DEF8: variants seen among roughly 807,000 people sequenced by gnomAD.
DEF8 encodes the protein differentially expressed in FDCP 8 homolog.
In DEF8, 38 loss-of-function variants were observed where a neutral mutation model predicts 59.1. The observed-to-expected ratio is 0.64, with a 90% CI of 0.50 to 0.84. DEF8 has a LOEUF of 0.84. DEF8 is among the 40% of genes least tolerant of loss of function. DEF8 has a pLI of 0.00. For missense variants in DEF8, 557 were observed against 615.2 expected (o/e 0.91, Z 1.00); for synonymous variants, 265 against 250.1 (o/e 1.06, Z -0.56).
intron 2 of DEF8, among the ~76,000 whole-genome samples, chr16:89,950,640 C>T (rs896647908): frequency 6.6e-6 from 1 of 152,158 alleles, no homozygotes; most frequent in Non-Finnish European, 1.5e-5. Flanking sequence ...CCACCCGCCT[C>T]AGCCTCCCAA....
Position 89,949,361 on chromosome 16 carries a change from C to G in DEF8, c.-107-56C>G, listed in dbSNP as rs549082682. 7.2e-5 allele frequency: 103 copies of G among 1,431,706 alleles called. No individual in the cohort carries two copies. In the South Asian group the frequency reaches 1.2e-3, roughly 17 times the overall value. 88.7% of individuals were successfully genotyped at this position (1,431,706 alleles called of 1,614,324 possible). Reference sequence around the variant, plus strand: ...CGAGGAGCCCGGGAGACCGGGCGAGCTCCCGCGGGTGTGGTGGGTGGGGAG... The same window carrying G: ...CGAGGAGCCCGGGAGACCGGGCGAGGTCCCGCGGGTGTGGTGGGTGGGGAG... On this transcript the variant is annotated intron_variant, in intron 1 of 12. Coordinates refer to ENST00000563594, the MANE Select transcript of DEF8 (RefSeq NM_001242818.2).
At chr16:89,959,221 C>G (rs1350223977) in intron 6 of DEF8, 66 bp downstream of exon 6, 3 of 1,606,906 alleles carry the variant, frequency 1.9e-6, no homozygotes, top group South Asian at 2.2e-5. Context: ...CCGCTGGGCT[C>G]ACATTCAGAT....
At position 89,960,753 on chromosome 16, in the gene DEF8, C is replaced by T. The variant is rs982996119; in HGVS notation, c.515-178C>T. The stretch of plus-strand genomic sequence containing the variant: ...TCTGGGCCACCTTTGGGGCAAGGCT[C>T]AGGGGCCAGGGAGAAAAGGATCTTT... On this transcript the variant is annotated intron_variant, in intron 6 of 12. Coordinates refer to ENST00000563594, the MANE Select transcript of DEF8 (RefSeq NM_001242818.2). Among the ~76,000 whole-genome samples, 13 of 152,234 alleles carry T rather than the reference C, an allele frequency of 8.5e-5. No homozygotes were observed. In the Middle Eastern group the frequency reaches 0.014, roughly 159 times the overall value.
chr16:89,957,926 T>G, intron 5 of DEF8: 2 of 298,330 alleles, frequency 6.7e-6, no homozygotes, highest in Non-Finnish European at 1.2e-5. Context: ...AAAAATGTAT[T>G]TGCTTGGTGA....
chr16:89,962,178 C>G (rs1014744033), intron 9 of DEF8, 53 bp downstream of exon 9: 1 of 1,514,882 alleles, frequency 6.6e-7, no homozygotes, highest in African/African-American at 1.4e-5. Context: ...CAGGTGGGCC[C>G]TAGGGCCGGG....
rs1439972497 is a variant in DEF8, at chr16:89,960,927, C to G, written c.515-4C>G. 2 of 1,612,856 alleles carry G rather than the reference C, an allele frequency of 1.2e-6. No homozygotes were observed. Among genetic ancestry groups the G allele is most frequent in the African/African-American group, 1.3e-5 (1 of 74,910 alleles). On this transcript the variant is annotated splice_polypyrimidine_tract_variant and splice_region_variant and intron_variant, in intron 6 of 12. Transcript: ENST00000563594. Reference sequence around the variant, plus strand: ...TTTGAGAAGTGTGTGTCCCTCCACCCTAGGGTGTTATTACCGCTGTCACAG... The same window carrying G: ...TTTGAGAAGTGTGTGTCCCTCCACCGTAGGGTGTTATTACCGCTGTCACAG...
At chr16:89,953,475 G>A (rs1432953717) in intron 2 of DEF8, among the ~76,000 whole-genome samples, 1 of 152,248 alleles carries the variant, frequency 6.6e-6, no homozygotes, top group African/African-American at 2.4e-5. Context: ...GCCACGTGGA[G>A]AACTAGGCCC....
At chr16:89,962,590 A>G (rs2034175276) in intron 9 of DEF8, among the ~76,000 whole-genome samples, 1 of 152,140 alleles carries the variant, frequency 6.6e-6, no homozygotes, top group South Asian at 2.1e-4. Context: ...CGGGAGGCTG[A>G]GGTTGCTGTG....
chr16:89,956,326 G>C (rs2033188804), intron 4 of DEF8, among the ~76,000 whole-genome samples: 1 of 151,780 alleles, frequency 6.6e-6, no homozygotes, highest in Admixed American at 6.6e-5. Flanking sequence ...CGGGCATAGT[G>C]GAGCGCCCCT....
Position 89,961,866 on chromosome 16 carries a change from T to C in DEF8, c.807+2T>C, listed in dbSNP as rs921038857. 1 of 1,582,378 alleles carries C rather than the reference T, an allele frequency of 6.3e-7. No individual in the cohort carries two copies. The highest frequency in any genetic ancestry group is 8.6e-7 in the Non-Finnish European group (1 of 1,162,578). On this transcript the variant is annotated splice_donor_variant, in intron 8 of 12. Transcript: ENST00000563594. LOFTEE classifies it high-confidence loss of function. ...AACTGGGACTTTGAGCCTCGAAAGG[T>C]GGGGGTTGGAAGGTGGGGGCATCCC...
chr16:89,962,877 G>C (rs903312351), intron 9 of DEF8, among the ~76,000 whole-genome samples: 1 of 152,260 alleles, frequency 6.6e-6, no homozygotes, highest in Non-Finnish European at 1.5e-5. Flanking sequence ...TGCAGGGCTG[G>C]TGGCCACTCT....
intron 10 of DEF8, 31 bp from the exon 11 acceptor site, chr16:89,964,139 G>C: frequency 1.2e-6 from 2 of 1,613,960 alleles, no homozygotes; most frequent in Non-Finnish European, 1.7e-6. Flanking sequence ...CCTCCCCGGT[G>C]CAGGGCGTCA....
At chr16:89,959,313 C>T in intron 6 of DEF8, 158 bp downstream of exon 6, 1 of 1,486,262 alleles carries the variant, frequency 6.7e-7, no homozygotes, top group South Asian at 1.3e-5. Context: ...CCTCGTTGTA[C>T]TGTCTACATT....
At chr16:89,955,538 C>T (rs560079527) in intron 4 of DEF8, among the ~76,000 whole-genome samples, 2 of 152,318 alleles carry the variant, frequency 1.3e-5, no homozygotes, top group East Asian at 1.9e-4. Flanking sequence ...GAACCTGGGG[C>T]TGCTTCTGTC....
chr16:89,962,823 T>C (rs2034207040), intron 9 of DEF8, among the ~76,000 whole-genome samples: 1 of 152,262 alleles, frequency 6.6e-6, no homozygotes, highest in Non-Finnish European at 1.5e-5. Context: ...TAGCCTCTGC[T>C]AAGTCTCACT....
Position 89,957,513 on chromosome 16 carries a change from T to G in DEF8, c.225T>G (p.Gly75=). ...GCCCCCGCCCCCAACCTGGGCAGGG[T>G]CTGTTCCTGGCCTCTGACGTCCAGC... is the stretch of plus-strand genomic sequence containing the variant. ...LSEDHFSRPV[G]LFLASDVQQL... is the part of the protein sequence containing the mutation. The change falls in exon 5 of 13, where the codon GGT becomes GGG. Residue 75 remains glycine, a splice_region_variant and synonymous_variant. Coordinates refer to ENST00000563594, the MANE Select transcript of DEF8 (RefSeq NM_001242818.2). The G allele has an allele frequency of 6.3e-7, 1 of 1,583,642 alleles. No individual in the cohort carries two copies. The highest frequency in any genetic ancestry group is 8.6e-7 in the Non-Finnish European group (1 of 1,165,336).
chr16:89,964,271 C>G lies in DEF8; in HGVS notation c.1104C>G (p.Ile368Met). ...GCCTGGGCTGCTCGCTCACCGAGAT[C>G]CACACGCTCTTCGCCAAGCACATCA... The part of the protein sequence containing the change: ...AGRLGCSLTE[I>M]HTLFAKHIKL... Residue 368 changes from isoleucine to methionine, a missense_variant, in exon 11 of 13, where the codon ATC (isoleucine) becomes ATG (methionine). Ile to Met is a conservative substitution (Grantham distance 10). Transcript: ENST00000563594. 1 of 1,606,726 alleles carries G rather than the reference C, an allele frequency of 6.2e-7. No individual in the cohort carries two copies. The highest frequency in any genetic ancestry group is 8.5e-7 in the Non-Finnish European group (1 of 1,176,838).
At chr16:89,949,040 TCGGCGGGGTCGGGGCTGGGAGGGA>T (rs2151107862) in intron 1 of DEF8, among the ~76,000 whole-genome samples, 1 of 12,734 alleles carries the variant, frequency 7.9e-5, no homozygotes, top group Middle Eastern at 0.038. Flanking sequence ...GGGGACGGGG[TCGGCGGGGTCGGGGCTGGGAGGGA>T]CGGGGCCGGC....
chr16:89,948,929 A>T (rs543417849), intron 1 of DEF8, 115 bp downstream of exon 1: 1 of 28,582 alleles, frequency 3.5e-5, no homozygotes, highest in Admixed American at 3.1e-4. Flanking sequence ...GCCGGCGGGG[A>T]CGGGGTCGGC....
Sources: allele counts gnomAD v4.1 joint callset (sites outside exome capture counted in the v4.1 genomes callset), GRCh38; gene constraint gnomAD v4.1.1; transcripts MANE v1.5; gene names NCBI Gene and HGNC (gene_info 2026-07-23, HGNC 2026-07-21).